The following MEGF11 variants were observed in gnomAD, a reference collection of about 807,000 sequenced individuals.
MEGF11 encodes multiple epidermal growth factor-like domains protein 11.
Under a neutral mutation model 146.6 loss-of-function variants are expected in MEGF11, and 126 were observed. The observed-to-expected ratio is 0.86, with a 90% CI of 0.74 to 1.00. The LOEUF is 1.00. Among genes scored for constraint, MEGF11 ranks in the 50% least tolerant of loss-of-function variants. MEGF11 has a pLI of 0.00. For missense variants in MEGF11, 1,509 were observed against 1,521.2 expected (o/e 0.99, Z 0.13); for synonymous variants, 532 against 583.4 (o/e 0.91, Z 1.27).
intron 1 of MEGF11, among the ~76,000 whole-genome samples, chr15:66,211,384 C>T (rs983064387): frequency 2.6e-5 from 4 of 152,042 alleles, no homozygotes; most frequent in Admixed American, 1.3e-4. Context: ...ATTAGCCGAG[C>T]ATGGTGGCAG....
At chr15:66,189,159 C>T (rs905095097) in intron 1 of MEGF11, among the ~76,000 whole-genome samples, 39 of 152,094 alleles carry the variant, frequency 2.6e-4, no homozygotes, top group African/African-American at 9.4e-4. Context: ...AATTATTTAA[C>T]CTAATTACCG....
chr15:66,179,115 G>A (rs914527156), intron 1 of MEGF11, among the ~76,000 whole-genome samples: 2 of 152,124 alleles, frequency 1.3e-5, no homozygotes, highest in African/African-American at 4.8e-5. Flanking sequence ...CCAGCTCTAG[G>A]AGGTTGGTGA....
chr15:66,154,109 C>T (rs1245765902), intron 1 of MEGF11, among the ~76,000 whole-genome samples: 6 of 152,250 alleles, frequency 3.9e-5, no homozygotes, highest in Admixed American at 2.0e-4. Flanking sequence ...AAACCCTTCT[C>T]TGACACCCAC....
At chr15:66,175,835 C>A (rs1284224990) in intron 1 of MEGF11, among the ~76,000 whole-genome samples, 1 of 152,042 alleles carries the variant, frequency 6.6e-6, no homozygotes, top group East Asian at 1.9e-4. Context: ...CTATATCAAA[C>A]TAAAAAGTTC....
chr15:66,237,664 A>G (rs973919187), intron 1 of MEGF11, among the ~76,000 whole-genome samples: 4 of 152,182 alleles, frequency 2.6e-5, no homozygotes, highest in African/African-American at 9.7e-5. Flanking sequence ...TTGAATGAGT[A>G]ATCCTTGAAG....
intron 5 of MEGF11, among the ~76,000 whole-genome samples, chr15:65,993,250 C>T (rs1002300264): frequency 6.6e-6 from 1 of 152,190 alleles, no homozygotes. Flanking sequence ...TACCATACAG[C>T]AATGAGGTCT....
intron 5 of MEGF11, among the ~76,000 whole-genome samples, chr15:66,020,991 CAAAAAAAAAAAAAAAAAA>C (rs35364286): frequency 1.4e-5 from 1 of 70,786 alleles, no homozygotes; most frequent in African/African-American, 5.6e-5. Flanking sequence ...AACTCCATCT[CAAAAAAAAAAAAAAAAAA>C]AAAAAAAAAA....
intron 5 of MEGF11, among the ~76,000 whole-genome samples, chr15:66,076,254 A>C (rs2085577491): frequency 6.6e-6 from 1 of 150,452 alleles, no homozygotes; most frequent in Non-Finnish European, 1.5e-5. Context: ...GGATGGATGC[A>C]TGTTCCTCAT....
At chr15:66,164,675 A>C (rs1275959012) in intron 1 of MEGF11, among the ~76,000 whole-genome samples, 1 of 152,096 alleles carries the variant, frequency 6.6e-6, no homozygotes, top group Non-Finnish European at 1.5e-5. Flanking sequence ...CCCAATCCCA[A>C]TTCTTGGCCA....
At chr15:66,241,799 C>T (rs939378692) in intron 1 of MEGF11, among the ~76,000 whole-genome samples, 2 of 152,040 alleles carry the variant, frequency 1.3e-5, no homozygotes, top group African/African-American at 2.4e-5. Flanking sequence ...GCACAAAGCA[C>T]GCTACTCAAC....
intron 1 of MEGF11, among the ~76,000 whole-genome samples, chr15:66,154,187 G>A (rs1418934484): frequency 6.6e-6 from 1 of 152,246 alleles, no homozygotes; most frequent in Non-Finnish European, 1.5e-5. Flanking sequence ...GTAAATGATA[G>A]TGTAACCCTT....
At chr15:66,133,557 T>C (rs1371705930) in intron 1 of MEGF11, among the ~76,000 whole-genome samples, 2 of 152,214 alleles carry the variant, frequency 1.3e-5, no homozygotes, top group African/African-American at 4.8e-5. Flanking sequence ...CCCCGTCTAG[T>C]GGCCTTCCCC....
intron 25 of MEGF11, chr15:65,898,440 TCTG>T (rs1372721134): frequency 8.1e-6 from 8 of 985,266 alleles, no homozygotes; most frequent in Non-Finnish European, 9.6e-6. Flanking sequence ...GTATCAACAA[TCTG>T]TGTGTGTGTG....
chr15:66,023,967 C>T (rs1406591852), intron 5 of MEGF11, among the ~76,000 whole-genome samples: 1 of 151,970 alleles, frequency 6.6e-6, no homozygotes, highest in African/African-American at 2.4e-5. Context: ...AGGATGGGGA[C>T]AGCTAGGGCT....
chr15:65,918,112 C>G lies in MEGF11; in HGVS notation c.1958-18G>C. The G allele has an allele frequency of 6.2e-7, 1 of 1,613,052 alleles. No individual in the cohort carries two copies. The highest frequency in any genetic ancestry group is 1.1e-5 in the South Asian group (1 of 91,050). ...AGCACACACTGTGGGCACAGGGCAG[C>G]CTGGCACCCATCCTCCCACCTGTGT... On this transcript the variant is annotated intron_variant, in intron 15 of 25. Transcript: ENST00000395614.
intron 8 of MEGF11, among the ~76,000 whole-genome samples, chr15:65,965,827 C>G (rs1337312303): frequency 6.6e-6 from 1 of 151,876 alleles, no homozygotes; most frequent in Non-Finnish European, 1.5e-5. Flanking sequence ...CATGAGCAGA[C>G]TAAGACAGTA....
intron 1 of MEGF11, among the ~76,000 whole-genome samples, chr15:66,226,131 C>T (rs2091847394): frequency 6.6e-6 from 1 of 152,224 alleles, no homozygotes; most frequent in Non-Finnish European, 1.5e-5. Flanking sequence ...TGAATCATGC[C>T]TTCGTCCAGT....
At chr15:66,244,875 C>A (rs2092272160) in intron 1 of MEGF11, among the ~76,000 whole-genome samples, 1 of 152,122 alleles carries the variant, frequency 6.6e-6, no homozygotes, top group South Asian at 2.1e-4. Context: ...GGCCACGACC[C>A]TGGGTATAAA....
chr15:66,061,243 C>T (rs2084894371), intron 5 of MEGF11, among the ~76,000 whole-genome samples: 1 of 152,228 alleles, frequency 6.6e-6, no homozygotes, highest in African/African-American at 2.4e-5. Context: ...GGAGCTGCCC[C>T]ACCCTGACTT....
Sources: gnomAD v4.1 joint callset for allele counts (sites outside exome capture counted in the v4.1 genomes callset) on GRCh38, gnomAD v4.1.1 for gene constraint, MANE v1.5 for transcripts, NCBI Gene and HGNC (gene_info 2026-07-23, HGNC 2026-07-21) for gene names.